The following IPCEF1 variants were observed in gnomAD, a reference collection of about 807,000 sequenced individuals.
The protein encoded by IPCEF1 is interactor protein for cytohesin exchange factors 1.
IPCEF1 carries 31 observed loss-of-function variants against 50.9 expected under a neutral mutation model. The observed-to-expected ratio is 0.61, with a 90% CI of 0.46 to 0.82. IPCEF1 has a LOEUF of 0.82. IPCEF1 is among the 40% of genes least tolerant of loss of function. The pLI, the probability that IPCEF1 is intolerant of heterozygous loss-of-function variation, is 0.00. For synonymous variants in IPCEF1, 181 were observed against 192.0 expected (o/e 0.94, Z 0.47); for missense variants, 458 against 514.0 (o/e 0.89, Z 1.05).
chr6:154,291,770 C>T (rs1437399585), intron 1 of IPCEF1, among the ~76,000 whole-genome samples: 2 of 150,452 alleles, frequency 1.3e-5, no homozygotes, highest in East Asian at 4.0e-4. Context: ...CTGCAAGCTC[C>T]GCCTCCTGGG....
intron 1 of IPCEF1, among the ~76,000 whole-genome samples, chr6:154,309,319 C>T (rs1783014545): frequency 6.6e-6 from 1 of 152,146 alleles, no homozygotes; most frequent in South Asian, 2.1e-4. Flanking sequence ...TGTCCCCCCA[C>T]TCTATGGTGG....
In IPCEF1 at chr6:154,168,171, G is replaced by C; in HGVS notation, c.911-58C>G. On this transcript the variant is annotated intron_variant, in intron 10 of 11. Coordinates refer to ENST00000367220, the MANE Select transcript of IPCEF1 (RefSeq NM_001130700.2). This position sits in a 1 kb window ranked among gnomAD's most constrained non-coding sequence, Gnocchi z 4.1. ...TAAACCCAGTGAAAAATCAAGGAGA[G>C]AACATTCAATACTGTGGTCCCAAGG... The C allele has an allele frequency of 7.4e-7, 1 of 1,343,026 alleles. No individual in the cohort carries two copies. Among genetic ancestry groups the C allele is most frequent in the Non-Finnish European group, 1.0e-6 (1 of 983,080 alleles). 83.2% of individuals were successfully genotyped at this position (1,343,026 alleles called of 1,614,324 possible). A position where few individuals can be genotyped will look rare whatever the true frequency, so the allele number is the denominator to read the frequency against.
chr6:154,226,982 A>G (rs1779302610), intron 5 of IPCEF1, among the ~76,000 whole-genome samples: 1 of 152,078 alleles, frequency 6.6e-6, no homozygotes, highest in Non-Finnish European at 1.5e-5. Flanking sequence ...GGATCACCTG[A>G]GGTTAGGAGT....
chr6:154,303,111 T>TTTTTCA (rs1782840366), intron 1 of IPCEF1, among the ~76,000 whole-genome samples: 1 of 149,150 alleles, frequency 6.7e-6, no homozygotes. Flanking sequence ...TTTTTTTTTT[T>TTTTTCA]GACAGAGTCT....
chr6:154,243,118 C>A (rs901542116), intron 5 of IPCEF1, among the ~76,000 whole-genome samples: 1 of 152,114 alleles, frequency 6.6e-6, no homozygotes, highest in East Asian at 1.9e-4. Context: ...AGCCAGCCCA[C>A]GTGCTAACAG....
intron 5 of IPCEF1, among the ~76,000 whole-genome samples, chr6:154,233,548 T>C (rs907951882): frequency 3.3e-5 from 5 of 152,124 alleles, no homozygotes; most frequent in Non-Finnish European, 7.3e-5. Flanking sequence ...TTGGTAAATG[T>C]TTTTGGCTAG....
intron 10 of IPCEF1, among the ~76,000 whole-genome samples, chr6:154,173,507 A>G (rs1800047438): frequency 6.6e-6 from 1 of 152,246 alleles, no homozygotes; most frequent in African/African-American, 2.4e-5. Context: ...ACCACAGTAC[A>G]AGAACTTCGT....
At chr6:154,235,531 C>CAAAAA (rs34877577) in intron 5 of IPCEF1, among the ~76,000 whole-genome samples, 3 of 97,490 alleles carry the variant, frequency 3.1e-5, no homozygotes, top group African/African-American at 3.7e-5. Flanking sequence ...AACTCTGTCA[C>CAAAAA]AAAAAAAAAA....
intron 11 of IPCEF1, among the ~76,000 whole-genome samples, chr6:154,162,259 G>A (rs1217625959): frequency 1.3e-5 from 2 of 152,250 alleles, no homozygotes; most frequent in Middle Eastern, 3.4e-3. Context: ...CAGTCTCACT[G>A]GTACACATGT....
chr6:154,238,232 G>A (rs1387882592), intron 5 of IPCEF1, among the ~76,000 whole-genome samples: 2 of 152,002 alleles, frequency 1.3e-5, no homozygotes, highest in Non-Finnish European at 2.9e-5. Flanking sequence ...GTCTAAACTC[G>A]TGCCATGGTG....
intron 2 of IPCEF1, among the ~76,000 whole-genome samples, chr6:154,281,797 G>T (rs577864811): frequency 6.6e-6 from 1 of 152,288 alleles, no homozygotes; most frequent in African/African-American, 2.4e-5. Context: ...GAGGTTAGGA[G>T]TTCGAGACCA....
At chr6:154,290,085 T>G (rs955145007) in intron 1 of IPCEF1, among the ~76,000 whole-genome samples, 1 of 152,198 alleles carries the variant, frequency 6.6e-6, no homozygotes, top group African/African-American at 2.4e-5. Context: ...AGTCTCCCAT[T>G]AGATAAGTAA....
chr6:154,264,005 AC>A (rs71021034), intron 3 of IPCEF1, among the ~76,000 whole-genome samples: 35 of 128,252 alleles, frequency 2.7e-4, no homozygotes, highest in South Asian at 5.3e-4. Flanking sequence ...CGGGGGGCTG[AC>A]CCCCCCCACC....
chr6:154,313,543 C>T (rs1401295718), intron 1 of IPCEF1, among the ~76,000 whole-genome samples: 1 of 152,148 alleles, frequency 6.6e-6, no homozygotes, highest in Admixed American at 6.5e-5. Flanking sequence ...CTTTTCTATA[C>T]TAATGACTTT....
chr6:154,346,606 C>T (rs1166918350), intron 1 of IPCEF1, among the ~76,000 whole-genome samples: 3 of 152,222 alleles, frequency 2.0e-5, no homozygotes, highest in Non-Finnish European at 4.4e-5. Flanking sequence ...AATTGACTCA[C>T]AGTTCTCTGC....
At chr6:154,293,760 A>G (rs1291363260) in intron 1 of IPCEF1, among the ~76,000 whole-genome samples, 2 of 152,246 alleles carry the variant, frequency 1.3e-5, no homozygotes, top group African/African-American at 2.4e-5. Flanking sequence ...AATCCCAAGA[A>G]AAGCATTATT....
chr6:154,218,438 G>A (rs1778590069), intron 7 of IPCEF1, among the ~76,000 whole-genome samples: 2 of 152,154 alleles, frequency 1.3e-5, no homozygotes, highest in African/African-American at 4.8e-5. Context: ...TCGTCCCTGA[G>A]AGAAATGTCA....
At chr6:154,288,015 CA>C (rs1400124851) in intron 2 of IPCEF1, among the ~76,000 whole-genome samples, 1 of 152,146 alleles carries the variant, frequency 6.6e-6, no homozygotes, top group East Asian at 1.9e-4. Flanking sequence ...CATGTTGAAA[CA>C]ATAGAATTTA....
intron 1 of IPCEF1, among the ~76,000 whole-genome samples, chr6:154,302,615 T>C (rs760212111): frequency 6.6e-6 from 1 of 152,078 alleles, no homozygotes; most frequent in African/African-American, 2.4e-5. Flanking sequence ...GCTGGGACTA[T>C]AGACATGTGC....
Sources: allele counts gnomAD v4.1 joint callset (sites outside exome capture counted in the v4.1 genomes callset), GRCh38; gene constraint gnomAD v4.1.1; non-coding constraint Gnocchi (gnomAD v3.1); transcripts MANE v1.5; gene names NCBI Gene and HGNC (gene_info 2026-07-23, HGNC 2026-07-21).